GRID1: variants seen among roughly 807,000 people sequenced by gnomAD.
The protein encoded by GRID1 is glutamate receptor ionotropic, delta-1.
Under a neutral mutation model 98.0 loss-of-function variants are expected in GRID1, and 28 were observed. That is an observed-to-expected ratio of 0.29 (90% CI 0.21 to 0.39). The LOEUF is 0.39. Ranked by LOEUF, GRID1 falls within the 10% of genes least tolerant of loss-of-function variation. GRID1 has a pLI of 1.00. For synonymous variants in GRID1, 553 were observed against 538.5 expected (o/e 1.03, Z -0.37); for missense variants, 1,111 against 1,340.5 (o/e 0.83, Z 2.67).
chr10:86,027,077 ACTTCT>A (rs1470386033), intron 4 of GRID1, among the ~76,000 whole-genome samples: 1 of 152,214 alleles, frequency 6.6e-6, no homozygotes, highest in East Asian at 1.9e-4. Flanking sequence ...AAAATCCCAG[ACTTCT>A]CTATCTGATT....
chr10:86,053,650 G>A (rs1344461940), intron 4 of GRID1, among the ~76,000 whole-genome samples: 3 of 152,104 alleles, frequency 2.0e-5, no homozygotes, highest in Non-Finnish European at 4.4e-5. Context: ...CACCATGCCT[G>A]GCCTTTACTG....
intron 4 of GRID1, among the ~76,000 whole-genome samples, chr10:85,919,651 C>T (rs564869898): frequency 6.6e-6 from 1 of 152,342 alleles, no homozygotes; most frequent in East Asian, 1.9e-4. Flanking sequence ...TTTTCCTTTT[C>T]CTCTCCAGCT....
intron 14 of GRID1, among the ~76,000 whole-genome samples, chr10:85,617,127 T>A (rs1439200064): frequency 6.6e-6 from 1 of 152,146 alleles, no homozygotes; most frequent in Non-Finnish European, 1.5e-5. Context: ...CTAGAACCTG[T>A]TTTCTGCAAA....
intron 4 of GRID1, among the ~76,000 whole-genome samples, chr10:85,929,115 G>C (rs1162617669): frequency 6.6e-6 from 1 of 152,168 alleles, no homozygotes; most frequent in Non-Finnish European, 1.5e-5. Flanking sequence ...CCAGTGGTTT[G>C]GGAGAAAAGG....
At chr10:86,053,183 T>A (rs1007634482) in intron 4 of GRID1, among the ~76,000 whole-genome samples, 6 of 152,186 alleles carry the variant, frequency 3.9e-5, no homozygotes, top group African/African-American at 1.2e-4. Context: ...ACTTTTATTC[T>A]TTTTGCACAT....
chr10:86,083,266 C>T (rs933754867), intron 4 of GRID1, among the ~76,000 whole-genome samples: 4 of 152,184 alleles, frequency 2.6e-5, no homozygotes, highest in Non-Finnish European at 5.9e-5. Flanking sequence ...TACCAGGGCT[C>T]TCGTAGCGGT....
At chr10:85,845,472 T>G (rs1179196143) in intron 8 of GRID1, among the ~76,000 whole-genome samples, 1 of 152,192 alleles carries the variant, frequency 6.6e-6, no homozygotes, top group Non-Finnish European at 1.5e-5. Context: ...GGTAAGACAT[T>G]AACACTTCCC....
At chr10:85,901,439 G>A (rs562055945) in intron 5 of GRID1, among the ~76,000 whole-genome samples, 8 of 151,940 alleles carry the variant, frequency 5.3e-5, no homozygotes, top group Middle Eastern at 3.4e-3. Flanking sequence ...TAGTAGAGAC[G>A]GGGTTTCACC....
At chr10:86,346,453 C>T (rs141697910) in intron 2 of GRID1, among the ~76,000 whole-genome samples, 21 of 152,372 alleles carry the variant, frequency 1.4e-4, no homozygotes, top group African/African-American at 4.8e-4. Flanking sequence ...GGTCCACCCC[C>T]TCCAGGCCCT....
At chr10:86,284,523 G>A (rs1447954912) in intron 2 of GRID1, among the ~76,000 whole-genome samples, 1 of 152,232 alleles carries the variant, frequency 6.6e-6, no homozygotes, top group African/African-American at 2.4e-5. Context: ...CTGCTGAGCT[G>A]GGGGCTGCCC....
intron 13 of GRID1, among the ~76,000 whole-genome samples, chr10:85,625,302 C>T (rs1246906999): frequency 2.6e-5 from 4 of 152,246 alleles, no homozygotes; most frequent in African/African-American, 4.8e-5. Flanking sequence ...CCTGGCCCAT[C>T]AACAGGACAC....
intron 4 of GRID1, among the ~76,000 whole-genome samples, chr10:86,039,440 C>A (rs979416100): frequency 1.3e-5 from 2 of 152,200 alleles, no homozygotes; most frequent in Admixed American, 6.5e-5. Context: ...TCCCTTTCCC[C>A]ATGTTTTATC....
intron 12 of GRID1, among the ~76,000 whole-genome samples, chr10:85,699,195 A>G (rs1407319028): frequency 1.3e-5 from 2 of 151,876 alleles, no homozygotes; most frequent in Non-Finnish European, 1.5e-5. Context: ...TGGAATCACA[A>G]GCATGCACCA....
chr10:86,332,646 C>T (rs1012979489), intron 2 of GRID1, among the ~76,000 whole-genome samples: 1 of 152,166 alleles, frequency 6.6e-6, no homozygotes, highest in Non-Finnish European at 1.5e-5. Flanking sequence ...GGGCTTCCTT[C>T]CCTGCCTTCC....
chr10:85,662,624 G>A (rs1229446606), intron 12 of GRID1, among the ~76,000 whole-genome samples: 2 of 152,328 alleles, frequency 1.3e-5, no homozygotes, highest in South Asian at 4.1e-4. Flanking sequence ...CTCTCCCAGG[G>A]AAGAAGCCAT....
intron 4 of GRID1, among the ~76,000 whole-genome samples, chr10:86,077,707 G>A (rs1843902938): frequency 3.3e-5 from 5 of 152,240 alleles, no homozygotes. Flanking sequence ...CCTGTAGACT[G>A]AGAGCTCTTT....
chr10:85,677,267 G>T (rs897821558), intron 12 of GRID1, among the ~76,000 whole-genome samples: 5 of 152,210 alleles, frequency 3.3e-5, no homozygotes, highest in African/African-American at 4.8e-5. Flanking sequence ...GTCTGGGTAT[G>T]AGGGCTGCTG....
intron 2 of GRID1, among the ~76,000 whole-genome samples, chr10:86,273,505 T>C (rs1847218253): frequency 6.6e-6 from 1 of 151,172 alleles, no homozygotes; most frequent in Admixed American, 6.6e-5. Flanking sequence ...TCCACAATGG[T>C]TGAACTAGTT....
chr10:85,609,893 T>C (rs771689756), intron 15 of GRID1, among the ~76,000 whole-genome samples: 1 of 152,248 alleles, frequency 6.6e-6, no homozygotes, highest in Non-Finnish European at 1.5e-5. Context: ...ACTGCATCCA[T>C]GGAGTTTGGT....
Sources: gnomAD v4.1 joint callset for allele counts (sites outside exome capture counted in the v4.1 genomes callset) on GRCh38, gnomAD v4.1.1 for gene constraint, MANE v1.5 for transcripts, NCBI Gene and HGNC (gene_info 2026-07-23, HGNC 2026-07-21) for gene names.